The following PRKACA variants were observed in gnomAD, a reference collection of about 807,000 sequenced individuals.
PRKACA encodes the protein protein kinase cAMP-activated catalytic subunit alpha.
PRKACA carries 9 observed loss-of-function variants against 45.8 expected under a neutral mutation model. The ratio of observed to expected loss-of-function variants is 0.20; its 90% CI spans 0.12 to 0.34. The LOEUF is 0.34. Among genes scored for constraint, PRKACA ranks in the 10% least tolerant of loss-of-function variants. PRKACA has a pLI of 1.00. For missense variants in PRKACA, 238 were observed against 458.6 expected (o/e 0.52, Z 4.39); for synonymous variants, 160 against 178.6 (o/e 0.90, Z 0.83).
Position 14,114,246 on chromosome 19 carries a change from C to A in PRKACA, c.46+3256G>T. ...TCTGTTCGGCTGTCTGTCCCCAGAA[C>A]CCTGCCTGCAGGGGGAGCTAGGGAG... On this transcript the variant is annotated intron_variant, in intron 1 of 9. Coordinates refer to ENST00000308677, the MANE Select transcript of PRKACA (RefSeq NM_002730.4). 1.9e-6 allele frequency: 3 copies of A among 1,543,174 alleles called. No individual in the cohort carries two copies. In the East Asian group the frequency reaches 7.2e-5, roughly 37 times the overall value.
At chr19:14,101,097 G>A (rs1977429398) in intron 4 of PRKACA, 189 bp from the exon 5 acceptor site, 1 of 589,308 alleles carries the variant, frequency 1.7e-6, no homozygotes, top group Non-Finnish European at 3.1e-6. Flanking sequence ...GGCTGGCTCA[G>A]AGGTATGTCA....
At chr19:14,114,217 C>G in intron 1 of PRKACA, 1 of 1,585,380 alleles carries the variant, frequency 6.3e-7, no homozygotes, top group Admixed American at 1.8e-5. Flanking sequence ...TGAGACCTGC[C>G]GTGTCTGTTC....
At position 14,092,700 on chromosome 19, in the gene PRKACA, G is replaced by A. The variant is rs904252343; in HGVS notation, c.*412C>T. On this transcript the variant is annotated 3_prime_UTR_variant, in exon 10 of 10. Coordinates refer to ENST00000308677, the MANE Select transcript of PRKACA (RefSeq NM_002730.4). ...TTGCCCTTAGCAAGTGGGGCCTGTG[G>A]TTGGGTGGGATGGGGGTGTGGGTGG... 2.7e-6 allele frequency: 1 copy of A among 376,064 alleles called. No individual in the cohort carries two copies. Among genetic ancestry groups the A allele is most frequent in the Non-Finnish European group, 4.7e-6 (1 of 212,194 alleles). 23.3% of individuals were successfully genotyped at this position (376,064 alleles called of 1,614,324 possible).
chr19:14,117,352 G>A, intron 1 of PRKACA, 150 bp downstream of exon 1: 1 of 994,582 alleles, frequency 1.0e-6, no homozygotes, highest in Non-Finnish European at 1.2e-6. Flanking sequence ...CGGGCCCGCG[G>A]GCCCCAGCCT....
At chr19:14,100,805 G>A in intron 5 of PRKACA, 21 bp downstream of exon 5, 1 of 1,612,528 alleles carries the variant, frequency 6.2e-7, no homozygotes, top group Non-Finnish European at 8.5e-7. Context: ...AGCCTGATGT[G>A]ATGGGGGGTG....
Position 14,097,528 on chromosome 19 carries a change from AG to A in PRKACA, c.643-46del, listed in dbSNP as rs1977296180. ...CACAGGGTGAGGAGGAGGCGAGAGC[AG>A]GAGAGCAGAGCCGGCCTCAGGGGAA... On this transcript the variant is annotated intron_variant, in intron 7 of 9. Coordinates refer to ENST00000308677, the MANE Select transcript of PRKACA (RefSeq NM_002730.4). The surrounding 1 kb of genome is among the most constrained non-coding windows in gnomAD (Gnocchi z 5.4). 1 of 1,613,428 alleles carries A rather than the reference AG, an allele frequency of 6.2e-7. No homozygotes were observed. Among genetic ancestry groups the A allele is most frequent in the African/African-American group, 1.3e-5 (1 of 74,910 alleles).
rs540175987 is a variant in PRKACA, at chr19:14,114,443, G to A, written c.46+3059C>T. On this transcript the variant is annotated intron_variant, in intron 1 of 9. Coordinates refer to ENST00000308677, the MANE Select transcript of PRKACA (RefSeq NM_002730.4). ...GCCAAGGCACAGAAGGTGTTTGGCC[G>A]TCTTAGGCATCCATAGGATGTTACA... Among the ~76,000 whole-genome samples the A allele has an allele frequency of 5.9e-5, 9 of 152,214 alleles. No homozygotes were observed. The South Asian group carries it at 1.9e-3, about 32-fold the overall frequency.
Position 14,097,907 on chromosome 19 carries a change from G to C in PRKACA, c.420-17C>G, listed in dbSNP as rs1347399703. 2 of 1,613,804 alleles carry C rather than the reference G, an allele frequency of 1.2e-6. No individual in the cohort carries two copies. Among genetic ancestry groups the C allele is most frequent in the Admixed American group, 1.7e-5 (1 of 59,994 alleles). ...TGGGGCTCACTGATGGGGACAAATG[G>C]GGAGGTGAACGTCAGTGGTCATGCC... On this transcript the variant is annotated splice_polypyrimidine_tract_variant and intron_variant, in intron 5 of 9. Coordinates refer to ENST00000308677, the MANE Select transcript of PRKACA (RefSeq NM_002730.4). The surrounding 1 kb of genome is among the most constrained non-coding windows in gnomAD (Gnocchi z 5.4).
chr19:14,095,681 C>A (rs571267388), intron 8 of PRKACA, among the ~76,000 whole-genome samples: 5 of 151,866 alleles, frequency 3.3e-5, no homozygotes, highest in East Asian at 3.9e-4. Context: ...CCACGCCCAG[C>A]TAATTTTTGT....
intron 1 of PRKACA, chr19:14,107,689 C>T (rs1294503997): frequency 1.6e-6 from 2 of 1,260,518 alleles, no homozygotes; most frequent in East Asian, 3.8e-5. Flanking sequence ...ACCAGCCCAC[C>T]CCCACTCGCC....
At chr19:14,100,217 T>A (rs1275894831) in intron 5 of PRKACA, among the ~76,000 whole-genome samples, 3 of 151,958 alleles carry the variant, frequency 2.0e-5, no homozygotes, top group African/African-American at 7.3e-5. Context: ...GCTCAAATGA[T>A]CTTCTCACCT....
rs1977619470 is a variant in PRKACA at position 14,106,769 on chromosome 19, G to T, written c.228C>A (p.Asp76Glu). 1 of 1,614,192 alleles carries T rather than the reference G, an allele frequency of 6.2e-7. No homozygotes were observed. Among genetic ancestry groups the T allele is most frequent in the South Asian group, 1.1e-5 (1 of 91,088 alleles). ...TGNHYAMKIL[D>E]KQKVVKLKQI... ...GGACAGGCCACCTCACCTTCTGTTT[G>T]TCGAGGATCTTCATGGCATAGTGGT... The change falls in exon 3 of 10, where the codon GAC becomes GAA. Residue 76 changes from aspartate (D) to glutamate (E), a missense_variant. Physicochemically the swap from Asp to Glu is conservative, Grantham distance 45 (BLOSUM62 2). Coordinates refer to ENST00000308677, the MANE Select transcript of PRKACA (RefSeq NM_002730.4).
At chr19:14,100,794 C>A in intron 5 of PRKACA, 32 bp downstream of exon 5, 1 of 1,607,348 alleles carries the variant, frequency 6.2e-7, no homozygotes, top group South Asian at 1.1e-5. Context: ...GACACCCTGA[C>A]AGCCTGATGT....
At position 14,092,337 on chromosome 19, in the gene PRKACA, G is replaced by A; in HGVS notation, c.*775C>T. On this transcript the variant is annotated 3_prime_UTR_variant, in exon 10 of 10. Coordinates refer to ENST00000308677, the MANE Select transcript of PRKACA (RefSeq NM_002730.4). ...GACAGGTCTGTTGGGGAAAAAGAGA[G>A]CGGAGGCTTCCTAAAGGGGCCTAGA... The A allele has an allele frequency of 3.3e-6, 1 of 302,910 alleles. No homozygotes were observed. Among genetic ancestry groups the A allele is most frequent in the Non-Finnish European group, 6.1e-6 (1 of 164,966 alleles). 18.8% of individuals were successfully genotyped at this position (302,910 alleles called of 1,614,324 possible).
intron 1 of PRKACA, among the ~76,000 whole-genome samples, chr19:14,109,854 CTT>C (rs1343309377): frequency 7.3e-6 from 1 of 136,372 alleles, no homozygotes; most frequent in African/African-American, 2.8e-5. Context: ...AGGAAAATCT[CTT>C]GAACTTGGGA....
Position 14,098,279 on chromosome 19 carries a change from A to G in PRKACA, c.420-389T>C, listed in dbSNP as rs1161658131. On this transcript the variant is annotated intron_variant, in intron 5 of 9. Transcript: ENST00000308677. ...AAAGGCACGGTGTTTGAAGTCAGAA[A>G]GGACAACTGCCTTTGGTGGGGAGGT... is the stretch of plus-strand genomic sequence containing the variant. 1.2e-3 allele frequency: 196 copies of G among 169,504 alleles called. 3 individuals carry two copies. Among genetic ancestry groups the G allele is most frequent in the Non-Finnish European group, 2.2e-4 (17 of 77,232 alleles). 10.5% of individuals were successfully genotyped at this position (169,504 alleles called of 1,614,324 possible). A position where few individuals can be genotyped will look rare whatever the true frequency, so the allele number is the denominator to read the frequency against.
chr19:14,093,573 C>T, intron 9 of PRKACA, 55 bp downstream of exon 9: 1 of 1,565,610 alleles, frequency 6.4e-7, no homozygotes, highest in East Asian at 2.2e-5. Context: ...GGCTGTCCTC[C>T]CTGACTCTTG....
chr19:14,093,050 AC>A lies in PRKACA; in HGVS notation c.*61del, dbSNP rs1225140967. 7.1e-4 allele frequency: 62 copies of A among 87,572 alleles called. No homozygotes were observed. Among genetic ancestry groups the A allele is most frequent in the Non-Finnish European group, 7.5e-4 (37 of 49,266 alleles). The allele number at this position is 87,572 out of a possible 1,614,324, so 5.4% of individuals were successfully genotyped here. The stretch of plus-strand genomic sequence containing the variant: ...TCTGGCTGTTCAATCCAACCCTCCC[AC>A]CCCCCCGACCAAAAAAAAGAAAAAA... On this transcript the variant is annotated 3_prime_UTR_variant, in exon 10 of 10. Transcript: ENST00000308677.
intron 1 of PRKACA, chr19:14,107,691 C>A (rs1453616943): frequency 1.6e-6 from 2 of 1,260,038 alleles, no homozygotes; most frequent in Non-Finnish European, 2.0e-6. Context: ...CAGCCCACCC[C>A]CACTCGCCCC....
Sources: gnomAD v4.1 joint callset for allele counts (sites outside exome capture counted in the v4.1 genomes callset) on GRCh38, gnomAD v4.1.1 for gene constraint, Gnocchi (gnomAD v3.1) non-coding constraint, MANE v1.5 for transcripts, NCBI Gene and HGNC (gene_info 2026-07-23, HGNC 2026-07-21) for gene names.